DAP3: variants seen among roughly 807,000 people sequenced by gnomAD.
DAP3 encodes the protein death associated protein 3.
A neutral mutation model predicts 51.9 loss-of-function variants in DAP3; 28 were observed. The ratio of observed to expected loss-of-function variants is 0.54; its 90% confidence interval spans 0.40 to 0.74. DAP3 has a LOEUF of 0.74. DAP3 is among the 30% of genes least tolerant of loss of function. The pLI is 0.00. For missense variants in DAP3, 458 were observed against 483.5 expected (o/e 0.95, Z 0.49); for synonymous variants, 170 against 170.3 (o/e 1.00, Z 0.01).
At chr1:155,693,144 C>T (rs1654068477) in intron 1 of DAP3, among the ~76,000 whole-genome samples, 1 of 141,818 alleles carries the variant, frequency 7.1e-6, no homozygotes, top group East Asian at 1.9e-4. Flanking sequence ...CTCTAGCCCT[C>T]ACCAGCAACA....
At chr1:155,730,094 A>G (rs1659044489) in intron 9 of DAP3, among the ~76,000 whole-genome samples, 1 of 139,814 alleles carries the variant, frequency 7.2e-6, no homozygotes. Flanking sequence ...ATATATGTAT[A>G]TATACACACA....
chr1:155,714,681 G>A (rs1450421006), intron 2 of DAP3, among the ~76,000 whole-genome samples: 1 of 152,120 alleles, frequency 6.6e-6, no homozygotes, highest in South Asian at 2.1e-4. Flanking sequence ...ACTTGAACCT[G>A]GGGGCAGAGG....
intron 9 of DAP3, among the ~76,000 whole-genome samples, 193 bp downstream of exon 9, chr1:155,729,559 C>G (rs994901639): frequency 6.6e-6 from 1 of 152,018 alleles, no homozygotes; most frequent in Non-Finnish European, 1.5e-5. Flanking sequence ...GTGGGAGGAT[C>G]GCTTGAGGCC....
intron 2 of DAP3, among the ~76,000 whole-genome samples, chr1:155,711,368 C>T (rs1433980549): frequency 6.6e-6 from 1 of 152,050 alleles, no homozygotes; most frequent in Non-Finnish European, 1.5e-5. Flanking sequence ...TGGCACACGC[C>T]TGTAATCCCA....
chr1:155,690,394 GAC>G lies in DAP3; in HGVS notation c.-8+1224_-8+1225del, dbSNP rs1447191673. Among the ~76,000 whole-genome samples the G allele has an allele frequency of 2.1e-5, 3 of 140,818 alleles. No homozygotes were observed. The South Asian group carries it at 6.2e-4, about 29-fold the overall frequency. 92.4% of individuals were successfully genotyped at this position (140,818 alleles called of 152,430 possible). The stretch of plus-strand genomic sequence containing the variant: ...CGGTGAAACCCCATCTCTACAAAAA[GAC>G]ACAAAAATTAGACAGGTGTGGCACA... On this transcript the variant is annotated intron_variant, in intron 1 of 12. Coordinates refer to ENST00000368336, the MANE Select transcript of DAP3 (RefSeq NM_004632.4).
At chr1:155,692,601 A>G (rs1327988908) in intron 1 of DAP3, among the ~76,000 whole-genome samples, 1 of 142,092 alleles carries the variant, frequency 7.0e-6, no homozygotes, top group Non-Finnish European at 1.5e-5. Context: ...TGTCAGTCCC[A>G]GGCAGGAGAG....
intron 1 of DAP3, among the ~76,000 whole-genome samples, chr1:155,704,458 C>T (rs1225881260): frequency 1.3e-5 from 2 of 152,090 alleles, no homozygotes; most frequent in Non-Finnish European, 2.9e-5. Context: ...GTGGTTGTGC[C>T]GGGGAGCATT....
intron 6 of DAP3, chr1:155,726,784 CAA>C (rs530179771): frequency 1.0e-3 from 95 of 91,356 alleles, no homozygotes; most frequent in Middle Eastern, 6.8e-3. Context: ...GACCCTGTCT[CAA>C]AAAAAAAAAA....
chr1:155,731,499 T>G, intron 10 of DAP3, 84 bp downstream of exon 10: 1 of 1,360,566 alleles, frequency 7.3e-7, no homozygotes, highest in Non-Finnish European at 1.0e-6. Context: ...TGCTAATACT[T>G]TACAGTCTCT....
At chr1:155,728,003 C>T (rs1486122684) in intron 7 of DAP3, among the ~76,000 whole-genome samples, 1 of 151,890 alleles carries the variant, frequency 6.6e-6, no homozygotes, top group Non-Finnish European at 1.5e-5. Context: ...GGTACAGCCT[C>T]CAATCCCTCG....
intron 2 of DAP3, among the ~76,000 whole-genome samples, chr1:155,712,612 CAA>C (rs61338392): frequency 1.4e-4 from 8 of 55,512 alleles, no homozygotes; most frequent in Admixed American, 2.1e-4. Context: ...AACTCCGTCT[CAA>C]AAAAAAAAAA....
chr1:155,729,792 T>A (rs1399489986), intron 9 of DAP3, among the ~76,000 whole-genome samples: 1 of 151,406 alleles, frequency 6.6e-6, no homozygotes, highest in Non-Finnish European at 1.5e-5. Flanking sequence ...TCTTAAAAAA[T>A]ATATATATGG....
intron 1 of DAP3, among the ~76,000 whole-genome samples, chr1:155,701,173 A>T (rs1655229886): frequency 9.3e-6 from 1 of 107,380 alleles, no homozygotes; most frequent in East Asian, 2.8e-4. Context: ...CCCGTCTGGG[A>T]GGTGTGCCCA....
chr1:155,716,869 C>A, intron 2 of DAP3, 137 bp from the exon 3 acceptor site: 1 of 1,228,438 alleles, frequency 8.1e-7, no homozygotes, highest in Non-Finnish European at 1.1e-6. Flanking sequence ...ATCACTTGAA[C>A]CTGGAAGGCG....
intron 10 of DAP3, 122 bp downstream of exon 10, chr1:155,731,537 CTTAT>C: frequency 1.1e-6 from 1 of 938,666 alleles, no homozygotes; most frequent in Non-Finnish European, 1.6e-6. Flanking sequence ...GTTATTATGT[CTTAT>C]TTAATTCCTG....
chr1:155,735,119 A>G (rs1659629300), intron 11 of DAP3, among the ~76,000 whole-genome samples: 1 of 150,702 alleles, frequency 6.6e-6, no homozygotes, highest in South Asian at 2.1e-4. Context: ...AAAAAAAAAA[A>G]AAAAGAAAAA....
intron 2 of DAP3, 62 bp from the exon 3 acceptor site, chr1:155,716,944 A>G: frequency 2.6e-6 from 4 of 1,557,814 alleles, no homozygotes; most frequent in Non-Finnish European, 3.5e-6. Context: ...GAGAAACTCC[A>G]TCTCAAAAAA....
chr1:155,688,038 G>A (rs1347196258), upstream of DAP3: 1 of 1,547,230 alleles, frequency 6.5e-7, no homozygotes, highest in East Asian at 2.3e-5. Flanking sequence ...AGAGTGCTTA[G>A]GCCCGAATGC....
chr1:155,733,699 T>C (rs1478109006), intron 11 of DAP3, among the ~76,000 whole-genome samples: 1 of 151,318 alleles, frequency 6.6e-6, no homozygotes, highest in African/African-American at 2.4e-5. Context: ...TAGCCAGGTG[T>C]GGTGGTGCGT....
Sources: gnomAD v4.1 joint callset for allele counts (sites outside exome capture counted in the v4.1 genomes callset) on GRCh38, gnomAD v4.1.1 for gene constraint, MANE v1.5 for transcripts, NCBI Gene and HGNC (gene_info 2026-07-23, HGNC 2026-07-21) for gene names.